Variants in NUP107 observed in about 807,000 individuals in gnomAD.
NUP107 encodes nucleoporin 107.
Under a neutral mutation model 141.0 loss-of-function variants are expected in NUP107, and 101 were observed. The ratio of observed to expected loss-of-function variants is 0.72; its 90% confidence interval spans 0.61 to 0.84. The LOEUF (loss-of-function observed/expected upper bound fraction) is 0.84. NUP107 is among the 40% of genes least tolerant of loss of function. The pLI is 0.00. For missense variants in NUP107, 941 were observed against 1,102.7 expected, an observed-to-expected ratio of 0.85 and a Z score of 2.08; for synonymous variants, 319 against 363.9, an observed-to-expected ratio of 0.88 and a Z score of 1.41.
intron 11 of NUP107, 198 bp downstream of exon 11, chr12:68,714,006 A>G (rs1565694680): frequency 3.7e-6 from 2 of 534,544 alleles, no homozygotes; most frequent in African/African-American, 2.0e-5. Flanking sequence ...ATTGTAAGTA[A>G]TAAGTTGTGG....
intron 27 of NUP107, 47 bp from the exon 28 acceptor site, chr12:68,742,308 G>A (rs753395979): frequency 1.6e-6 from 2 of 1,214,144 alleles, no homozygotes; most frequent in Non-Finnish European, 1.2e-6. Context: ...GTTCATACTT[G>A]TCTACTTGTC....
chr12:68,730,957 G>C (rs1165456210), intron 20 of NUP107, among the ~76,000 whole-genome samples, 153 bp from the exon 21 acceptor site: 2 of 152,164 alleles, frequency 1.3e-5, no homozygotes, highest in Non-Finnish European at 2.9e-5. Context: ...GACAGAGTGA[G>C]ACCCTGTCTC....
chr12:68,692,614 C>T (rs929171249), intron 5 of NUP107, among the ~76,000 whole-genome samples: 1 of 151,718 alleles, frequency 6.6e-6, no homozygotes, highest in Non-Finnish European at 1.5e-5. Flanking sequence ...GTCACTCTGT[C>T]ACCCAGGCTA....
At chr12:68,710,894 A>C (rs1044306317) in intron 10 of NUP107, among the ~76,000 whole-genome samples, 1 of 152,142 alleles carries the variant, frequency 6.6e-6, no homozygotes, top group African/African-American at 2.4e-5. Flanking sequence ...TTGGTATCCA[A>C]GTAGGGTCCC....
chr12:68,690,559 T>C (rs768058912), intron 3 of NUP107, 72 bp from the exon 4 acceptor site: 46 of 1,595,450 alleles, frequency 2.9e-5, no homozygotes, highest in Non-Finnish European at 3.5e-5. Flanking sequence ...CTTCATTGTT[T>C]GTTTGCTTAC....
chr12:68,690,736 A>T lies in NUP107; in HGVS notation c.293A>T (p.Asn98Ile), dbSNP rs1189646532. The T allele has an allele frequency of 6.2e-7, 1 of 1,614,012 alleles. No individual in the cohort carries two copies. The highest frequency in any genetic ancestry group is 1.3e-5 in the African/African-American group (1 of 75,016). ...RLTQSSGFFG[N>I]LSMVTNLDDS... is the part of the protein sequence containing the mutation. ...ACGCAGTCTTCAGGGTTCTTTGGAAATCTCTCCATGGTATGTAGAAAAATA... is the reference window on the plus strand; with the variant it reads ...ACGCAGTCTTCAGGGTTCTTTGGAATTCTCTCCATGGTATGTAGAAAAATA... The change falls in exon 4 of 28, where the codon AAT becomes ATT. Residue 98 changes from asparagine to isoleucine, a missense_variant. Transcript: ENST00000229179.
chr12:68,690,159 G>A lies in NUP107; in HGVS notation c.188-472G>A, dbSNP rs138015839. 8.5e-3 allele frequency among the ~76,000 whole-genome samples: 1,191 copies of A among 140,430 alleles called. 13 individuals carry two copies. Among genetic ancestry groups the A allele is most frequent in the African/African-American group, 0.028 (1,108 of 39,354 alleles). 92.1% of individuals were successfully genotyped at this position (140,430 alleles called of 152,430 possible). ...TGTGCCACTGTACTCCAGCTGGGGC[G>A]ACAGAGCAAAAAAAAAAAAAATCCC... On this transcript the variant is annotated intron_variant, in intron 3 of 27. Coordinates refer to ENST00000229179, the MANE Select transcript of NUP107 (RefSeq NM_020401.4).
chr12:68,725,837 G>GGTTTTTTT (rs376106399), intron 18 of NUP107, 41 bp downstream of exon 18: 23 of 621,646 alleles, frequency 3.7e-5, no homozygotes, highest in Admixed American at 7.0e-5. Context: ...TTTTGTGTGT[G>GGTTTTTTT]TTTTTTTTTT....
chr12:68,720,263 T>C (rs1877299041), intron 14 of NUP107, among the ~76,000 whole-genome samples: 1 of 152,080 alleles, frequency 6.6e-6, no homozygotes, highest in Non-Finnish European at 1.5e-5. Flanking sequence ...TGTCAAACAG[T>C]TCAAAAAATA....
intron 1 of NUP107, chr12:68,687,664 T>C: frequency 1.0e-6 from 1 of 985,348 alleles, no homozygotes; most frequent in East Asian, 1.1e-4. Context: ...AAGGTAACTT[T>C]CTAGCTGGTC....
intron 26 of NUP107, among the ~76,000 whole-genome samples, chr12:68,737,675 T>G (rs557558150): frequency 6.7e-6 from 1 of 149,318 alleles, no homozygotes; most frequent in East Asian, 2.2e-4. Context: ...TCTTTAAAAC[T>G]TCAGTCTCAA....
intron 8 of NUP107, among the ~76,000 whole-genome samples, chr12:68,704,705 T>G (rs1876494073): frequency 6.6e-6 from 1 of 152,002 alleles, no homozygotes; most frequent in South Asian, 2.1e-4. Flanking sequence ...TCCACCTGTT[T>G]TGGCCTCCCA....
chr12:68,722,238 G>A (rs1283824446), intron 17 of NUP107, 86 bp downstream of exon 17: 1 of 1,093,564 alleles, frequency 9.1e-7, no homozygotes, highest in African/African-American at 1.6e-5. Context: ...GAAAAAGGTG[G>A]AACTTTCTCC....
intron 6 of NUP107, among the ~76,000 whole-genome samples, chr12:68,697,410 T>C (rs1876117992): frequency 7.4e-6 from 1 of 135,002 alleles, no homozygotes; most frequent in African/African-American, 2.8e-5. Flanking sequence ...GGTGACAGAG[T>C]AGACCCTGTC....
rs1405807594 is a variant in NUP107, at chr12:68,706,880, T to G, written c.730-2358T>G. 4.0e-6 allele frequency: 3 copies of G among 753,192 alleles called. No individual in the cohort carries two copies. In the African/African-American group the frequency reaches 5.1e-5, roughly 13 times the overall value. The allele number at this position is 753,192 out of a possible 1,614,324, so 46.7% of individuals were successfully genotyped here. On this transcript the variant is annotated intron_variant, in intron 8 of 27. Coordinates refer to ENST00000229179, the MANE Select transcript of NUP107 (RefSeq NM_020401.4). ...CCATACGAAGACCACCAGCGGCTAT[T>G]CAGGTGGTCTGAGCTCGGCCTATGG...
intron 12 of NUP107, 134 bp from the exon 13 acceptor site, chr12:68,719,207 G>A (rs1877245371): frequency 1.6e-6 from 1 of 644,638 alleles, no homozygotes; most frequent in Non-Finnish European, 2.7e-6. Flanking sequence ...ATTATTAACT[G>A]TCTACATCCA....
intron 5 of NUP107, among the ~76,000 whole-genome samples, chr12:68,695,899 G>A (rs908611351): frequency 1.3e-5 from 2 of 151,182 alleles, no homozygotes. Context: ...CCCAGCTACT[G>A]GGGAGGCTGA....
intron 8 of NUP107, among the ~76,000 whole-genome samples, chr12:68,703,335 A>G (rs1592499000): frequency 6.6e-6 from 1 of 152,298 alleles, no homozygotes; most frequent in African/African-American, 2.4e-5. Context: ...ACATTTTTCT[A>G]TGCATCTTTA....
At chr12:68,690,578 G>A (rs756528823) in intron 3 of NUP107, 53 bp from the exon 4 acceptor site, 4 of 1,609,796 alleles carry the variant, frequency 2.5e-6, no homozygotes, top group Non-Finnish European at 3.4e-6. Flanking sequence ...ACTTTGTTTT[G>A]ATAATGAATG....
Sources: gnomAD v4.1 joint callset for allele counts (sites outside exome capture counted in the v4.1 genomes callset) on GRCh38, gnomAD v4.1.1 for gene constraint, MANE v1.5 for transcripts, NCBI Gene and HGNC (gene_info 2026-07-23, HGNC 2026-07-21) for gene names.